DSCAM: variants seen among roughly 807,000 people sequenced by gnomAD.
DSCAM encodes the protein cell adhesion molecule DSCAM.
Under a neutral mutation model 217.7 loss-of-function variants are expected in DSCAM, and 47 were observed. That is an observed-to-expected ratio of 0.22 (90% confidence interval 0.17 to 0.28). The LOEUF is 0.28. Among genes scored for constraint, DSCAM ranks in the 10% least tolerant of loss-of-function variants. DSCAM has a pLI of 1.00. For missense variants in DSCAM, 2,080 were observed against 2,618.3 expected, an observed-to-expected ratio of 0.79 and a Z score of 4.49; for synonymous variants, 1,056 against 1,015.3, an observed-to-expected ratio of 1.04 and a Z score of -0.76.
chr21:40,037,692 A>T (rs531312810), intron 32 of DSCAM, among the ~76,000 whole-genome samples: 12 of 149,312 alleles, frequency 8.0e-5, no homozygotes, highest in African/African-American at 2.3e-4. Flanking sequence ...GAACCAAAAA[A>T]GAGCCCGCAT....
chr21:40,346,651 A>C (rs2074560885), intron 6 of DSCAM, among the ~76,000 whole-genome samples: 1 of 152,200 alleles, frequency 6.6e-6, no homozygotes, highest in Non-Finnish European at 1.5e-5. Context: ...ATAAGCTTTA[A>C]GATTTAGTAT....
chr21:40,591,671 T>A (rs1017423060), intron 3 of DSCAM, among the ~76,000 whole-genome samples: 4 of 152,180 alleles, frequency 2.6e-5, no homozygotes, highest in Non-Finnish European at 5.9e-5. Flanking sequence ...TAAATATACA[T>A]AAACTCTAGG....
intron 1 of DSCAM, among the ~76,000 whole-genome samples, chr21:40,710,233 G>C (rs1252166263): frequency 6.6e-6 from 1 of 151,858 alleles, no homozygotes; most frequent in Non-Finnish European, 1.5e-5. Flanking sequence ...TGTTAAAAAA[G>C]CACCATTATC....
At chr21:40,367,610 T>G (rs2074847216) in intron 4 of DSCAM, among the ~76,000 whole-genome samples, 1 of 152,206 alleles carries the variant, frequency 6.6e-6, no homozygotes, top group African/African-American at 2.4e-5. Flanking sequence ...TTTATTAAAA[T>G]TTCAATGACA....
At chr21:40,102,607 GATATA>G (rs1240057486) in intron 20 of DSCAM, among the ~76,000 whole-genome samples, 2 of 152,134 alleles carry the variant, frequency 1.3e-5, no homozygotes, top group East Asian at 1.9e-4. Flanking sequence ...TTGTGGTGTT[GATATA>G]ATATTTTTCT....
chr21:40,133,857 C>A lies in DSCAM; in HGVS notation c.3559G>T (p.Asp1187Tyr). 6.2e-7 allele frequency: 1 copy of A among 1,603,860 alleles called. No individual in the cohort carries two copies. Among genetic ancestry groups the A allele is most frequent in the South Asian group, 1.1e-5 (1 of 89,444 alleles). Reference sequence around the variant, plus strand: ...CCACCGCCCACCCGTCTCTCACCATCCTCTTTGGTCCGGGTGAAGATCTGC... The same window carrying A: ...CCACCGCCCACCCGTCTCTCACCATACTCTTTGGTCCGGGTGAAGATCTGC... ...SEQIFTRTKE[D>Y]VPGPPAGVKA... The change falls in exon 19 of 33, where the codon GAT becomes TAT. Residue 1187 changes from aspartate to tyrosine, a missense_variant. Transcript: ENST00000400454.
At chr21:40,052,288 A>G (rs1205741934) in intron 29 of DSCAM, among the ~76,000 whole-genome samples, 181 bp from the exon 30 acceptor site, 1 of 152,232 alleles carries the variant, frequency 6.6e-6, no homozygotes, top group African/African-American at 2.4e-5. Context: ...CTAGAGTGCT[A>G]GGAATAGAAG....
intron 3 of DSCAM, among the ~76,000 whole-genome samples, chr21:40,680,538 C>A (rs1410876268): frequency 2.1e-5 from 3 of 144,942 alleles, no homozygotes; most frequent in Non-Finnish European, 4.6e-5. Flanking sequence ...CCTCTAAGAG[C>A]ACACAGGATC....
chr21:40,307,237 G>T (rs1324613412), intron 9 of DSCAM, among the ~76,000 whole-genome samples: 1 of 145,952 alleles, frequency 6.9e-6, no homozygotes, highest in Non-Finnish European at 1.5e-5. Flanking sequence ...AAATTTACAA[G>T]AAAAAAAAAA....
intron 3 of DSCAM, among the ~76,000 whole-genome samples, chr21:40,664,010 AAT>A (rs1334862705): frequency 1.3e-5 from 2 of 152,240 alleles, no homozygotes; most frequent in African/African-American, 2.4e-5. Flanking sequence ...CAGGCTTATA[AAT>A]ATGTTTTCAG....
intron 3 of DSCAM, among the ~76,000 whole-genome samples, chr21:40,447,493 T>G (rs2075684438): frequency 6.6e-6 from 1 of 152,136 alleles, no homozygotes; most frequent in Non-Finnish European, 1.5e-5. Context: ...TGTGTAAGAG[T>G]AACCTATGAT....
At chr21:40,626,933 CT>C (rs2089609109) in intron 3 of DSCAM, among the ~76,000 whole-genome samples, 1 of 152,212 alleles carries the variant, frequency 6.6e-6, no homozygotes, top group African/African-American at 2.4e-5. Flanking sequence ...AAGAAAGCAT[CT>C]TGAGTTTATG....
chr21:40,059,015 G>A, intron 28 of DSCAM, among the ~76,000 whole-genome samples: 1 of 152,186 alleles, frequency 6.6e-6, no homozygotes. Flanking sequence ...ATAGGGCAGA[G>A]AATTTCCCAG....
chr21:40,576,794 A>C (rs2076854221), intron 3 of DSCAM, among the ~76,000 whole-genome samples: 1 of 152,078 alleles, frequency 6.6e-6, no homozygotes, highest in Non-Finnish European at 1.5e-5. Context: ...TAAGGTTCAA[A>C]TAAATTATTT....
chr21:40,244,702 C>T (rs902279856), intron 11 of DSCAM, among the ~76,000 whole-genome samples: 3 of 152,126 alleles, frequency 2.0e-5, no homozygotes, highest in African/African-American at 7.2e-5. Flanking sequence ...GTTAGGAGCT[C>T]TGCTCAGGTT....
chr21:40,020,410 A>G (rs2088242340), intron 32 of DSCAM, among the ~76,000 whole-genome samples: 1 of 152,114 alleles, frequency 6.6e-6, no homozygotes, highest in African/African-American at 2.4e-5. Context: ...TATCCACGAA[A>G]TCAAAGGCAT....
rs539960811 is a variant in DSCAM, at chr21:40,579,053, A to G, written c.508+113757T>C. On this transcript the variant is annotated intron_variant, in intron 3 of 32. Transcript: ENST00000400454. ...GAAAGATGCACATTAGCACATTTGT[A>G]ACGACAGAGGGAGGTAGAGGGAATG... Among the ~76,000 whole-genome samples, 7 of 152,334 alleles carry G rather than the reference A, an allele frequency of 4.6e-5. No homozygotes were observed. The South Asian group carries it at 1.4e-3, about 32-fold the overall frequency.
At chr21:40,809,430 G>T (rs1235878216) in intron 1 of DSCAM, among the ~76,000 whole-genome samples, 6 of 152,094 alleles carry the variant, frequency 3.9e-5, no homozygotes, top group Admixed American at 3.9e-4. Flanking sequence ...TTCTAAAAGG[G>T]CGATTGTTGT....
At chr21:40,157,377 G>A (rs1369402008) in intron 16 of DSCAM, among the ~76,000 whole-genome samples, 1 of 152,214 alleles carries the variant, frequency 6.6e-6, no homozygotes, top group African/African-American at 2.4e-5. Context: ...CTTACTGGGT[G>A]TGCTGCAGGT....
Sources: allele counts gnomAD v4.1 joint callset (sites outside exome capture counted in the v4.1 genomes callset), GRCh38; gene constraint gnomAD v4.1.1; transcripts MANE v1.5; gene names NCBI Gene and HGNC (gene_info 2026-07-23, HGNC 2026-07-21).